The following STAP1 variants were observed in gnomAD, a reference collection of about 807,000 sequenced individuals.
STAP1 encodes signal transducing adaptor family member 1.
A neutral mutation model predicts 37.8 loss-of-function variants in STAP1; 30 were observed. The ratio of observed to expected loss-of-function variants is 0.79; its 90% confidence interval spans 0.59 to 1.08. The LOEUF (loss-of-function observed/expected upper bound fraction) is 1.08, where lower values mean the gene tolerates loss of function less well. Among genes scored for constraint, STAP1 ranks in the 50% least tolerant of loss-of-function variants. The probability of loss-of-function intolerance (pLI) is 0.00; values close to 1 mark genes in which losing one functional copy is unlikely to be tolerated. For missense variants in STAP1, 357 were observed against 349.4 expected (o/e 1.02, Z -0.17); for synonymous variants, 130 against 116.0 (o/e 1.12, Z -0.78).
intron 1 of STAP1, among the ~76,000 whole-genome samples, chr4:67,562,609 A>AAG (rs1465162362): frequency 6.7e-6 from 1 of 149,786 alleles, no homozygotes; most frequent in African/African-American, 2.4e-5. Context: ...ACTAAAAAAA[A>AAG]AAAAAAAAAA....
intron 1 of STAP1, among the ~76,000 whole-genome samples, chr4:67,562,601 T>TG (rs1727374114): frequency 8.5e-6 from 1 of 117,296 alleles, no homozygotes; most frequent in Non-Finnish European, 1.7e-5. Flanking sequence ...CTGTCTCTAC[T>TG]AAAAAAAAAA....
intron 1 of STAP1, among the ~76,000 whole-genome samples, chr4:67,568,918 C>T (rs1727536455): frequency 1.3e-5 from 2 of 152,146 alleles, no homozygotes; most frequent in Admixed American, 1.3e-4. Context: ...AGTCTTAAAT[C>T]AATGAGGAAA....
chr4:67,602,642 A>G (rs1728368311), intron 8 of STAP1, among the ~76,000 whole-genome samples: 1 of 152,220 alleles, frequency 6.6e-6, no homozygotes, highest in South Asian at 2.1e-4. Flanking sequence ...AAGATCTAAA[A>G]GAATGTCTTG....
At chr4:67,567,293 T>A (rs1295292019) in intron 1 of STAP1, among the ~76,000 whole-genome samples, 2 of 152,174 alleles carry the variant, frequency 1.3e-5, no homozygotes, top group African/African-American at 4.8e-5. Context: ...TTTGAATTGT[T>A]CTTTTCTATG....
chr4:67,561,007 C>T (rs897369780), intron 1 of STAP1, among the ~76,000 whole-genome samples: 3 of 152,134 alleles, frequency 2.0e-5, no homozygotes, highest in Non-Finnish European at 4.4e-5. Flanking sequence ...ACAATAATAC[C>T]TACTTATGTG....
rs1330192000 is a variant in STAP1 at position 67,590,936 on chromosome 4, A to G, written c.712A>G (p.Ile238Val). 3 of 1,611,798 alleles carry G rather than the reference A, an allele frequency of 1.9e-6. No homozygotes were observed. The change falls in exon 7 of 9, where the codon ATT becomes GTT. Residue 238 changes from isoleucine to valine, a missense_variant. Transcript: ENST00000265404. ...GATGAGCGTAGGACAAAACTACACT[A>G]TTGAACTGGAAAAACCTGTAAGTAA... ...KVMSVGQNYT[I>V]ELEKPVTLPN... is the part of the protein sequence containing the mutation.
intron 5 of STAP1, among the ~76,000 whole-genome samples, chr4:67,582,365 G>A (rs1727882281): frequency 6.6e-6 from 1 of 150,964 alleles, no homozygotes; most frequent in Admixed American, 6.6e-5. Flanking sequence ...AGGCTAGAGT[G>A]CAGCACGATC....
chr4:67,562,653 T>G (rs1265108592), intron 1 of STAP1, among the ~76,000 whole-genome samples: 1 of 148,708 alleles, frequency 6.7e-6, no homozygotes, highest in African/African-American at 2.5e-5. Context: ...GCGCCTGTAG[T>G]CCCAACTACT....
intron 8 of STAP1, among the ~76,000 whole-genome samples, chr4:67,597,985 G>A (rs879305961): frequency 9.2e-5 from 14 of 152,072 alleles, no homozygotes; most frequent in African/African-American, 1.4e-4. Context: ...AATGTGAAAC[G>A]GATATGAGAT....
intron 8 of STAP1, among the ~76,000 whole-genome samples, chr4:67,595,146 T>C (rs1728196706): frequency 6.6e-6 from 1 of 152,142 alleles, no homozygotes; most frequent in Non-Finnish European, 1.5e-5. Context: ...ATTTCATGTT[T>C]CACATTTAGA....
intron 4 of STAP1, among the ~76,000 whole-genome samples, chr4:67,578,938 C>T (rs914591116): frequency 6.6e-6 from 1 of 151,678 alleles, no homozygotes; most frequent in Non-Finnish European, 1.5e-5. Flanking sequence ...AAGCAATTCT[C>T]CTGCCTTAGC....
intron 1 of STAP1, among the ~76,000 whole-genome samples, chr4:67,562,382 C>T (rs1727368725): frequency 6.6e-6 from 1 of 151,902 alleles, no homozygotes; most frequent in Non-Finnish European, 1.5e-5. Flanking sequence ...AAGTTGTGCT[C>T]ACACACAGTT....
chr4:67,584,584 C>T (rs2087176), intron 6 of STAP1, among the ~76,000 whole-genome samples: 61,671 of 151,946 alleles, frequency 0.41, 13,756 homozygotes, highest in Non-Finnish European at 0.52. Flanking sequence ...GGAAGACCTA[C>T]TTTATTGACT....
At chr4:67,568,749 C>T (rs1727531496) in intron 1 of STAP1, among the ~76,000 whole-genome samples, 1 of 152,096 alleles carries the variant, frequency 6.6e-6, no homozygotes. Context: ...ATTTACTGAA[C>T]CCCAGCTATG....
At chr4:67,569,136 T>G (rs1452448283) in intron 1 of STAP1, among the ~76,000 whole-genome samples, 1 of 152,234 alleles carries the variant, frequency 6.6e-6, no homozygotes, top group African/African-American at 2.4e-5. Context: ...CAAACCTGTA[T>G]AGCATGTTAT....
intron 1 of STAP1, among the ~76,000 whole-genome samples, chr4:67,560,034 G>T (rs1727297920): frequency 6.6e-6 from 1 of 152,000 alleles, no homozygotes; most frequent in Non-Finnish European, 1.5e-5. Flanking sequence ...GTCACCACAG[G>T]TAAGCCACAT....
At chr4:67,567,368 T>TG (rs34020128) in intron 1 of STAP1, among the ~76,000 whole-genome samples, 65,523 of 141,982 alleles carry the variant, frequency 0.46, 15,107 homozygotes, top group Non-Finnish European at 0.56. Flanking sequence ...AGTTCTCAAC[T>TG]GGGGGGAGGA....
At chr4:67,578,632 A>G (rs1361367857) in intron 4 of STAP1, among the ~76,000 whole-genome samples, 1 of 152,176 alleles carries the variant, frequency 6.6e-6, no homozygotes, top group African/African-American at 2.4e-5. Context: ...TCCCAAAGGT[A>G]TGTGACTAAG....
At chr4:67,573,969 G>A (rs879916543) in intron 2 of STAP1, among the ~76,000 whole-genome samples, 22 of 152,034 alleles carry the variant, frequency 1.4e-4, no homozygotes, top group Admixed American at 9.2e-4. Flanking sequence ...AGGCAAGCCC[G>A]TTGCATATAG....
Sources: gnomAD v4.1 joint callset for allele counts (sites outside exome capture counted in the v4.1 genomes callset) on GRCh38, gnomAD v4.1.1 for gene constraint, MANE v1.5 for transcripts, NCBI Gene and HGNC (gene_info 2026-07-23, HGNC 2026-07-21) for gene names.